The following CMTM4 variants were observed in gnomAD, a reference collection of about 807,000 sequenced individuals.
CMTM4 encodes the protein CKLF like MARVEL transmembrane domain containing 4.
A neutral mutation model predicts 19.0 loss-of-function variants in CMTM4; 8 were observed. The ratio of observed to expected loss-of-function variants is 0.42; its 90% CI spans 0.25 to 0.76. CMTM4 has a LOEUF of 0.76. CMTM4 is among the 30% of genes least tolerant of loss of function. CMTM4 has a pLI of 0.27. For synonymous variants in CMTM4, 106 were observed against 121.1 expected, an observed-to-expected ratio of 0.88 and a Z score of 0.82; for missense variants, 228 against 290.2, an observed-to-expected ratio of 0.79 and a Z score of 1.56.
downstream of CMTM4, among the ~76,000 whole-genome samples, chr16:66,610,433 A>C (rs1307445254): frequency 3.3e-5 from 5 of 152,302 alleles, no homozygotes; most frequent in East Asian, 5.8e-4. This position sits in a 1 kb window ranked among gnomAD's most constrained non-coding sequence, Gnocchi z 4.6. Context: ...CAAGGGACAG[A>C]TGATGTGTCC....
At position 66,619,795 on chromosome 16, in the gene CMTM4, C is replaced by G. The variant is rs564757367; in HGVS notation, c.*2263G>C. The G allele has an allele frequency of 1.0e-6, 1 of 985,302 alleles. No individual in the cohort carries two copies. Among genetic ancestry groups the G allele is most frequent in the African/African-American group, 1.7e-5 (1 of 57,310 alleles). 61.0% of individuals were successfully genotyped at this position (985,302 alleles called of 1,614,324 possible). A position where few individuals can be genotyped will look rare whatever the true frequency, so the allele number is the denominator to read the frequency against. ...GAACATTTACAAAACCACCGAGGAG[C>G]CTCACGGCACAAAGGATATTAAATA... On this transcript the variant is annotated 3_prime_UTR_variant, in exon 4 of 4. Coordinates refer to ENST00000394106, the MANE Select transcript of CMTM4 (RefSeq NM_181521.3).
In CMTM4 at chr16:66,675,681, T is replaced by C. The variant is rs558119344; in HGVS notation, c.186+20659A>G. Among the ~76,000 whole-genome samples the C allele has an allele frequency of 2.0e-5, 3 of 151,932 alleles. No homozygotes were observed. The South Asian group carries it at 6.2e-4, about 32-fold the overall frequency. On this transcript the variant is annotated intron_variant, in intron 1 of 3. Coordinates refer to ENST00000394106, the MANE Select transcript of CMTM4 (RefSeq NM_181521.3). ...CAAAGCATCTAGTGAAGGTGAGACA[T>C]GGACATGCACAGTGACTCCTCAGCC...
At chr16:66,610,298 G>A (rs547182937), downstream of CMTM4, among the ~76,000 whole-genome samples, 79 of 152,164 alleles carry the variant, frequency 5.2e-4, no homozygotes, top group Admixed American at 2.8e-3. The surrounding 1 kb of genome is among the most constrained non-coding windows in gnomAD (Gnocchi z 4.6). Flanking sequence ...AGTCACTCTC[G>A]GGCACCTGTC....
At chr16:66,654,158 A>AT (rs2016358902) in intron 1 of CMTM4, among the ~76,000 whole-genome samples, 2 of 152,182 alleles carry the variant, frequency 1.3e-5, no homozygotes, top group African/African-American at 4.8e-5. Flanking sequence ...ATTACAAAAC[A>AT]TTTTCATCAC....
At chr16:66,671,030 G>C (rs2016695062) in intron 1 of CMTM4, among the ~76,000 whole-genome samples, 2 of 152,122 alleles carry the variant, frequency 1.3e-5, no homozygotes, top group African/African-American at 4.8e-5. Context: ...TTTAAAACAA[G>C]GGACACAAAT....
chr16:66,655,839 C>T (rs768042001), intron 1 of CMTM4, among the ~76,000 whole-genome samples: 20 of 152,058 alleles, frequency 1.3e-4, no homozygotes, highest in Admixed American at 3.3e-4. Flanking sequence ...ATAGTTTGGC[C>T]GGGTGCAGTG....
chr16:66,678,793 G>A (rs957402420), intron 1 of CMTM4, among the ~76,000 whole-genome samples: 1 of 152,116 alleles, frequency 6.6e-6, no homozygotes. Context: ...ATTTGTATGA[G>A]TCATGATTTT....
At chr16:66,671,771 G>A (rs1006461210) in intron 1 of CMTM4, among the ~76,000 whole-genome samples, 3 of 152,048 alleles carry the variant, frequency 2.0e-5, no homozygotes, top group Non-Finnish European at 4.4e-5. Flanking sequence ...TTAGCAACAT[G>A]ATGAGAGGAC....
At chr16:66,659,593 A>T (rs565332230) in intron 1 of CMTM4, among the ~76,000 whole-genome samples, 3 of 152,196 alleles carry the variant, frequency 2.0e-5, no homozygotes, top group Non-Finnish European at 2.9e-5. Flanking sequence ...CATTTTGGAG[A>T]TCACTGGGGA....
chr16:66,668,838 T>C (rs2016652217), intron 1 of CMTM4, among the ~76,000 whole-genome samples: 1 of 152,170 alleles, frequency 6.6e-6, no homozygotes. Flanking sequence ...AAAAGGACTA[T>C]GAAGGGCTAG....
At chr16:66,642,531 C>T (rs145406697) in intron 1 of CMTM4, among the ~76,000 whole-genome samples, 61 of 152,182 alleles carry the variant, frequency 4.0e-4, no homozygotes, top group African/African-American at 1.3e-3. Flanking sequence ...CTGACCAACA[C>T]AGTGAAACCC....
chr16:66,652,698 G>A (rs1172500431), intron 1 of CMTM4, among the ~76,000 whole-genome samples: 1 of 152,078 alleles, frequency 6.6e-6, no homozygotes, highest in African/African-American at 2.4e-5. Context: ...TTATTTTTTG[G>A]TATCTAACTA....
intron 1 of CMTM4, among the ~76,000 whole-genome samples, chr16:66,661,375 T>C (rs2016496391): frequency 6.6e-6 from 1 of 152,178 alleles, no homozygotes; most frequent in African/African-American, 2.4e-5. Context: ...ACAGACCTGG[T>C]GATTTTAGCT....
At chr16:66,695,330 G>A (rs2017212611) in intron 1 of CMTM4, among the ~76,000 whole-genome samples, 1 of 152,088 alleles carries the variant, frequency 6.6e-6, no homozygotes, top group Non-Finnish European at 1.5e-5. Flanking sequence ...CTGGGCGACA[G>A]AGACCCGGTC....
At chr16:66,614,102 G>A (rs1007490228), downstream of CMTM4, among the ~76,000 whole-genome samples, 9 of 152,146 alleles carry the variant, frequency 5.9e-5, no homozygotes, top group South Asian at 2.1e-4. This position sits in a 1 kb window ranked among gnomAD's most constrained non-coding sequence, Gnocchi z 4.9. Flanking sequence ...AATAGGATTC[G>A]CATTCCTATG....
chr16:66,624,088 G>A (rs1438711676), intron 2 of CMTM4, among the ~76,000 whole-genome samples: 3 of 152,220 alleles, frequency 2.0e-5, no homozygotes, highest in Non-Finnish European at 4.4e-5. Flanking sequence ...GAACATAGCA[G>A]GGTAATGAAA....
At chr16:66,649,098 G>C (rs2016260683) in intron 1 of CMTM4, among the ~76,000 whole-genome samples, 1 of 152,222 alleles carries the variant, frequency 6.6e-6, no homozygotes. Context: ...AGCTACCCAG[G>C]AGGCCTAGGC....
chr16:66,687,963 A>G (rs559958721), intron 1 of CMTM4, among the ~76,000 whole-genome samples: 1 of 152,240 alleles, frequency 6.6e-6, no homozygotes, highest in Non-Finnish European at 1.5e-5. Flanking sequence ...CTGGGATTAC[A>G]GGTGTAAGCC....
intron 1 of CMTM4, among the ~76,000 whole-genome samples, chr16:66,656,201 G>T (rs1220433115): frequency 2.0e-5 from 3 of 151,992 alleles, no homozygotes; most frequent in African/African-American, 7.3e-5. Context: ...AAATTAAGAA[G>T]GGAGAAGGAA....
Sources: gnomAD v4.1 joint callset for allele counts (sites outside exome capture counted in the v4.1 genomes callset) on GRCh38, gnomAD v4.1.1 for gene constraint, Gnocchi (gnomAD v3.1) non-coding constraint, MANE v1.5 for transcripts, NCBI Gene and HGNC (gene_info 2026-07-23, HGNC 2026-07-21) for gene names.